CALD1: variants seen among roughly 807,000 people sequenced by gnomAD.
CALD1 encodes the protein caldesmon 1, also known as caldesmon.
A neutral mutation model predicts 99.9 loss-of-function variants in CALD1; 33 were observed. The observed-to-expected ratio is 0.33, with a 90% CI of 0.25 to 0.44. The LOEUF is 0.44. Among genes scored for constraint, CALD1 ranks in the 20% least tolerant of loss-of-function variants. The pLI, the probability that CALD1 is intolerant of heterozygous loss-of-function variation, is 1.00. For synonymous variants in CALD1, 310 were observed against 325.0 expected, an observed-to-expected ratio of 0.95 and a Z score of 0.50; for missense variants, 861 against 962.1, an observed-to-expected ratio of 0.89 and a Z score of 1.39.
chr7:134,959,283 C>T (rs769935248), intron 11 of CALD1, among the ~76,000 whole-genome samples: 6 of 151,974 alleles, frequency 3.9e-5, no homozygotes, highest in Non-Finnish European at 5.9e-5. Flanking sequence ...CAGGTTCAAG[C>T]GATTCTCCTG....
At chr7:134,734,371 T>A in the CALD1 span, among the ~76,000 whole-genome samples, 1 of 152,036 alleles carries the variant, frequency 6.6e-6, no homozygotes, top group Non-Finnish European at 1.5e-5. Flanking sequence ...GTTTTTACTA[T>A]GGAAATGCTT....
chr7:134,755,181 A>G (rs1796716750), intron 1 of CALD1, among the ~76,000 whole-genome samples: 2 of 151,952 alleles, frequency 1.3e-5, no homozygotes, highest in African/African-American at 4.8e-5. Flanking sequence ...TTGTATTTTT[A>G]GTAGAGACAG....
At chr7:134,750,077 G>C (rs1796671508) in intron 1 of CALD1, among the ~76,000 whole-genome samples, 1 of 151,328 alleles carries the variant, frequency 6.6e-6, no homozygotes, top group South Asian at 2.1e-4. Context: ...AACTATCTTG[G>C]GGGACAAGTT....
the CALD1 span, among the ~76,000 whole-genome samples, chr7:134,716,944 A>C: frequency 6.6e-6 from 1 of 152,228 alleles, no homozygotes; most frequent in Non-Finnish European, 1.5e-5. Context: ...TTACCATACT[A>C]TCTCTCAAAT....
In CALD1 at chr7:134,920,587, TCAGTTAC is replaced by T. The variant is rs760879969; in HGVS notation, c.72-8163_72-8157del. On this transcript the variant is annotated intron_variant, in intron 3 of 14. Coordinates refer to ENST00000361675, the MANE Select transcript of CALD1 (RefSeq NM_033138.4). ...AGAATAGTGTTCTGGATTGAGTATC[TCAGTTAC>T]CAGCCTGAAATCTCCATCGACCAAC... 3.1e-6 allele frequency: 4 copies of T among 1,288,530 alleles called. No homozygotes were observed. In the South Asian group the frequency reaches 4.9e-5, roughly 16 times the overall value. The allele number at this position is 1,288,530 out of a possible 1,614,324, so 79.8% of individuals were successfully genotyped here.
intron 6 of CALD1, among the ~76,000 whole-genome samples, chr7:134,939,847 C>T (rs1011625382): frequency 2.0e-5 from 3 of 151,972 alleles, no homozygotes; most frequent in African/African-American, 4.8e-5. Context: ...GCCTGTAATC[C>T]CAGCTACTCA....
chr7:134,784,140 A>G (rs1289920441), intron 1 of CALD1, among the ~76,000 whole-genome samples: 1 of 152,242 alleles, frequency 6.6e-6, no homozygotes, highest in East Asian at 1.9e-4. Context: ...ATATGTATAA[A>G]TGATGTATAA....
At chr7:134,813,040 C>T (rs896358144) in intron 1 of CALD1, among the ~76,000 whole-genome samples, 3 of 152,290 alleles carry the variant, frequency 2.0e-5, no homozygotes, top group East Asian at 3.9e-4. Flanking sequence ...GAAGAAAGGA[C>T]TTCCAAAAGA....
the CALD1 span, among the ~76,000 whole-genome samples, chr7:134,711,697 T>C: frequency 7.7e-6 from 1 of 129,772 alleles, no homozygotes; most frequent in South Asian, 2.6e-4. Context: ...TGTGTGTGTG[T>C]GTGTGTGTGT....
chr7:134,780,085 G>A (rs897927447), intron 1 of CALD1, among the ~76,000 whole-genome samples: 1 of 152,190 alleles, frequency 6.6e-6, no homozygotes. Flanking sequence ...GCCAGTGTTA[G>A]CAAGCCTACT....
intron 1 of CALD1, chr7:134,744,503 TGAGA>T (rs1054136685): frequency 1.4e-5 from 2 of 146,886 alleles, no homozygotes; most frequent in African/African-American, 5.2e-5. Flanking sequence ...GCAGAAAGAA[TGAGA>T]GAGAGCAAGA....
intron 1 of CALD1, among the ~76,000 whole-genome samples, chr7:134,807,205 C>A (rs1798176268): frequency 6.6e-6 from 1 of 152,006 alleles, no homozygotes; most frequent in African/African-American, 2.4e-5. Context: ...AAATATTGCT[C>A]CTTGAGGATT....
At chr7:134,796,916 T>C (rs541193410) in intron 1 of CALD1, among the ~76,000 whole-genome samples, 2 of 152,256 alleles carry the variant, frequency 1.3e-5, no homozygotes, top group African/African-American at 4.8e-5. Flanking sequence ...ATATTGAGAA[T>C]CATCTTGTTT....
chr7:134,857,158 CTTTTTTTTTT>C (rs59210460), intron 2 of CALD1, among the ~76,000 whole-genome samples: 5 of 75,368 alleles, frequency 6.6e-5, no homozygotes, highest in South Asian at 1.0e-3. Context: ...TTGCGCTATT[CTTTTTTTTTT>C]TTTTTTTTTT....
intron 3 of CALD1, among the ~76,000 whole-genome samples, chr7:134,869,074 T>C (rs1339517775): frequency 6.6e-6 from 1 of 152,114 alleles, no homozygotes; most frequent in African/African-American, 2.4e-5. Flanking sequence ...CATAGCAGCA[T>C]AGCCAGAGCT....
intron 1 of CALD1, among the ~76,000 whole-genome samples, chr7:134,796,695 C>A (rs140967279): frequency 6.6e-6 from 1 of 152,106 alleles, no homozygotes; most frequent in African/African-American, 2.4e-5. Flanking sequence ...AAGCAATCAT[C>A]CTGCCCTAGC....
chr7:134,968,427 G>A lies in CALD1; in HGVS notation c.*82G>A. ...CTAATTCGCTCTGTTTTGTATTTAT[G>A]TTGATTTACTAAATTGGGTTCATTA... is the stretch of plus-strand genomic sequence containing the variant. On this transcript the variant is annotated 3_prime_UTR_variant, in exon 15 of 15. Coordinates refer to ENST00000361675, the MANE Select transcript of CALD1 (RefSeq NM_033138.4). The A allele has an allele frequency of 8.2e-7, 1 of 1,226,680 alleles. No homozygotes were observed. Among genetic ancestry groups the A allele is most frequent in the Non-Finnish European group, 1.2e-6 (1 of 828,256 alleles). The allele number at this position is 1,226,680 out of a possible 1,614,324, so 76.0% of individuals were successfully genotyped here. A position where few individuals can be genotyped will look rare whatever the true frequency, so the allele number is the denominator to read the frequency against.
At chr7:134,964,094 G>A (rs1808484342) in intron 13 of CALD1, among the ~76,000 whole-genome samples, 1 of 152,218 alleles carries the variant, frequency 6.6e-6, no homozygotes. Context: ...CTACTTGGGA[G>A]GCTGAGGCAG....
intron 3 of CALD1, among the ~76,000 whole-genome samples, chr7:134,894,844 G>T (rs1802447480): frequency 1.3e-5 from 2 of 152,154 alleles, no homozygotes; most frequent in African/African-American, 2.4e-5. Flanking sequence ...GCCTAAGGAA[G>T]TTTACTTGCA....
Sources: allele counts gnomAD v4.1 joint callset (sites outside exome capture counted in the v4.1 genomes callset), GRCh38; gene constraint gnomAD v4.1.1; transcripts MANE v1.5; gene names NCBI Gene and HGNC (gene_info 2026-07-23, HGNC 2026-07-21).